Variants in ZMYND11 observed in about 807,000 individuals in gnomAD.
ZMYND11 encodes the protein zinc finger MYND-type containing 11.
Under a neutral mutation model 84.9 loss-of-function variants are expected in ZMYND11, and 9 were observed. The ratio of observed to expected loss-of-function variants is 0.11; its 90% confidence interval spans 0.06 to 0.18. The LOEUF is 0.18. Ranked by LOEUF, ZMYND11 falls within the 10% of genes least tolerant of loss-of-function variation. The probability of loss-of-function intolerance (pLI) is 1.00; values close to 1 mark genes in which losing one functional copy is unlikely to be tolerated. For missense variants in ZMYND11, 409 were observed against 761.0 expected, an observed-to-expected ratio of 0.54 and a Z score of 5.44; for synonymous variants, 250 against 244.1, an observed-to-expected ratio of 1.02 and a Z score of -0.23.
intron 2 of ZMYND11, among the ~76,000 whole-genome samples, chr10:206,093 C>G (rs1185670319): frequency 6.6e-6 from 1 of 151,492 alleles, no homozygotes; most frequent in African/African-American, 2.4e-5. Context: ...GGCGCGGTGG[C>G]TCACGCCTGT....
At chr10:152,645 C>T (rs1379545941) in intron 1 of ZMYND11, among the ~76,000 whole-genome samples, 1 of 152,162 alleles carries the variant, frequency 6.6e-6, no homozygotes, top group Non-Finnish European at 1.5e-5. Flanking sequence ...CAACATTAGA[C>T]ATATCAATGA....
chr10:166,893 A>G (rs1844133510), intron 1 of ZMYND11, among the ~76,000 whole-genome samples: 1 of 152,136 alleles, frequency 6.6e-6, no homozygotes, highest in African/African-American at 2.4e-5. Context: ...ATTTATCCAT[A>G]CGGTGGAATA....
chr10:138,228 G>A (rs1554752816), intron 1 of ZMYND11, among the ~76,000 whole-genome samples: 1 of 146,802 alleles, frequency 6.8e-6, no homozygotes, highest in East Asian at 2.1e-4. Flanking sequence ...TCATGCCTCA[G>A]CCTCCCGGGT....
At chr10:134,961 G>A (rs1835544366), upstream of ZMYND11, 1 of 149,790 alleles carries the variant, frequency 6.7e-6, no homozygotes, top group African/African-American at 2.4e-5. Context: ...CCGCGCGCAA[G>A]TCCGGCGCCA....
At chr10:155,604 G>A (rs4394759) in intron 1 of ZMYND11, among the ~76,000 whole-genome samples, 141,446 of 152,314 alleles carry the variant, frequency 0.93, 66,039 homozygotes, top group Non-Finnish European at 0.98. Context: ...ACAAACACAC[G>A]AAAAAGGTTT....
intron 10 of ZMYND11, chr10:244,371 G>C (rs756611638): frequency 6.6e-6 from 1 of 152,170 alleles, no homozygotes; most frequent in Non-Finnish European, 1.5e-5. Context: ...TCCTAGACAC[G>C]CAAATAGAAT....
chr10:244,817 TTATC>T (rs776673102), intron 10 of ZMYND11, among the ~76,000 whole-genome samples: 26 of 152,208 alleles, frequency 1.7e-4, no homozygotes, highest in Non-Finnish European at 3.5e-4. Flanking sequence ...GTTTAAAAAA[TTATC>T]TACAGTACTG....
intron 2 of ZMYND11, among the ~76,000 whole-genome samples, chr10:181,401 C>T (rs998284124): frequency 6.6e-6 from 1 of 152,194 alleles, no homozygotes; most frequent in Non-Finnish European, 1.5e-5. Flanking sequence ...GGTGGATCGC[C>T]TGAGCTCAGG....
intron 2 of ZMYND11, among the ~76,000 whole-genome samples, chr10:205,987 A>C (rs1944064996): frequency 6.7e-6 from 1 of 149,544 alleles, no homozygotes; most frequent in Non-Finnish European, 1.5e-5. Flanking sequence ...TGGTGTCAGG[A>C]TAAATCAATA....
At chr10:230,670 G>C (rs911398440) in intron 4 of ZMYND11, among the ~76,000 whole-genome samples, 1 of 152,010 alleles carries the variant, frequency 6.6e-6, no homozygotes, top group African/African-American at 2.4e-5. Context: ...GTGTCATCTG[G>C]CAATAAAATG....
upstream of ZMYND11, among the ~76,000 whole-genome samples, chr10:133,071 C>T (rs1357500364): frequency 2.6e-5 from 4 of 152,174 alleles, no homozygotes; most frequent in East Asian, 1.9e-4. Context: ...AGCTGAGGGG[C>T]AAATGAGATA....
intron 12 of ZMYND11, among the ~76,000 whole-genome samples, chr10:248,069 T>C (rs1952545123): frequency 6.6e-6 from 1 of 152,226 alleles, no homozygotes; most frequent in African/African-American, 2.4e-5. Context: ...ATAGTATTGA[T>C]AAGTAAAATT....
chr10:242,971 A>G (rs192702719), intron 10 of ZMYND11, among the ~76,000 whole-genome samples: 12 of 148,402 alleles, frequency 8.1e-5, no homozygotes, highest in Admixed American at 1.4e-4. Flanking sequence ...AAATAACTCA[A>G]TACAAAATGA....
chr10:152,187 A>C (rs558878354), intron 1 of ZMYND11, among the ~76,000 whole-genome samples: 6 of 152,302 alleles, frequency 3.9e-5, no homozygotes, highest in Non-Finnish European at 7.3e-5. Context: ...CTAACATCAT[A>C]ATGACAGGAT....
chr10:212,368 C>T (rs1945398240), intron 3 of ZMYND11, among the ~76,000 whole-genome samples: 1 of 151,848 alleles, frequency 6.6e-6, no homozygotes, highest in Non-Finnish European at 1.5e-5. Context: ...AGGTTTAATT[C>T]TGATTGGTTC....
At chr10:178,374 A>T (rs1166321964) in intron 1 of ZMYND11, among the ~76,000 whole-genome samples, 1 of 152,204 alleles carries the variant, frequency 6.6e-6, no homozygotes, top group African/African-American at 2.4e-5. Flanking sequence ...TTATCTGAGT[A>T]TTTATATAAT....
intron 1 of ZMYND11, among the ~76,000 whole-genome samples, chr10:144,782 A>G (rs1437234469): frequency 2.7e-5 from 4 of 149,240 alleles, no homozygotes; most frequent in African/African-American, 7.3e-5. Context: ...TTTGGGTACA[A>G]GTGGTTTTTG....
intron 4 of ZMYND11, among the ~76,000 whole-genome samples, chr10:221,955 C>T (rs543430983): frequency 2.6e-5 from 4 of 152,060 alleles, no homozygotes; most frequent in South Asian, 2.1e-4. Flanking sequence ...ATTCATTGAT[C>T]CCACTGAGGA....
Position 248,987 on chromosome 10 carries a change from A to G in ZMYND11, c.1585A>G (p.Lys529Glu). The part of the protein sequence containing the change: ...NMQGEMDRKC[K>E]QVKEKCKEEF... ...GCAGGGTGAGATGGACAGAAAATGT[A>G]AGCAAGTAAAGGAAAAGTGTAAGGA... The change falls in exon 14 of 15, where the codon AAG (lysine) becomes GAG (glutamate). Residue 529 changes from lysine to glutamate, a missense_variant. This residue lies in a region of ZMYND11 where 141 missense variants were observed against 173.8 expected (regional missense o/e 0.81). Transcript: ENST00000381604. 6.2e-7 allele frequency: 1 copy of G among 1,614,228 alleles called. No homozygotes were observed. Among genetic ancestry groups the G allele is most frequent in the Non-Finnish European group, 8.5e-7 (1 of 1,180,028 alleles).
Sources: gnomAD v4.1 joint callset for allele counts (sites outside exome capture counted in the v4.1 genomes callset) on GRCh38, gnomAD v4.1.1 for gene constraint, gnomAD v4.1.1 regional missense constraint, MANE v1.5 for transcripts, NCBI Gene and HGNC (gene_info 2026-07-23, HGNC 2026-07-21) for gene names.